The following FAF1 variants were observed in gnomAD, a reference collection of about 807,000 sequenced individuals.
FAF1 encodes FAS-associated factor 1.
In FAF1, 25 loss-of-function variants were observed where a neutral mutation model predicts 92.5. The ratio of observed to expected loss-of-function variants is 0.27; its 90% CI spans 0.20 to 0.38. The LOEUF (loss-of-function observed/expected upper bound fraction) is 0.38, where lower values mean the gene tolerates loss of function less well. Ranked by LOEUF, FAF1 falls within the 10% of genes least tolerant of loss-of-function variation. The pLI, the probability that FAF1 is intolerant of heterozygous loss-of-function variation, is 1.00. For synonymous variants in FAF1, 234 were observed against 273.2 expected, an observed-to-expected ratio of 0.86 and a Z score of 1.42; for missense variants, 636 against 793.3, an observed-to-expected ratio of 0.80 and a Z score of 2.38.
intron 1 of FAF1, among the ~76,000 whole-genome samples, chr1:50,957,349 T>C (rs1645275302): frequency 1.3e-5 from 1 of 75,052 alleles, no homozygotes; most frequent in African/African-American, 4.9e-5. Context: ...TTCATTTTCT[T>C]TTTTTTTTTT....
rs186892795 is a variant in FAF1, at chr1:50,598,965, C to G, written c.745-2749G>C. 2.4e-3 allele frequency among the ~76,000 whole-genome samples: 357 copies of G among 151,108 alleles called. 1 individual carries two copies. The highest frequency in any genetic ancestry group is 8.4e-3 in the African/African-American group (348 of 41,218). ...AACCTGGACAACAAGAGTGAAACTC[C>G]GTCTCAAAAAAAAAAGAACATACTA... is the stretch of plus-strand genomic sequence containing the variant. On this transcript the variant is annotated intron_variant, in intron 8 of 18. Coordinates refer to ENST00000396153, the MANE Select transcript of FAF1 (RefSeq NM_007051.3).
At chr1:50,662,631 A>G (rs906035697) in intron 7 of FAF1, among the ~76,000 whole-genome samples, 11 of 148,380 alleles carry the variant, frequency 7.4e-5, no homozygotes, top group African/African-American at 2.5e-4. Flanking sequence ...AAAGTTAGAT[A>G]TTATTTAAAG....
chr1:50,876,770 G>C (rs1407418523), intron 1 of FAF1, among the ~76,000 whole-genome samples: 1 of 152,116 alleles, frequency 6.6e-6, no homozygotes, highest in Non-Finnish European at 1.5e-5. Flanking sequence ...TTTTAGTAGA[G>C]ATGGGGTTTT....
chr1:50,487,788 G>A (rs532345357), intron 17 of FAF1, among the ~76,000 whole-genome samples: 7 of 152,176 alleles, frequency 4.6e-5, no homozygotes, highest in Non-Finnish European at 8.8e-5. Flanking sequence ...GTTTCTCAAT[G>A]TAATTATATG....
chr1:50,651,305 G>T (rs1654853397), intron 8 of FAF1, among the ~76,000 whole-genome samples: 1 of 151,998 alleles, frequency 6.6e-6, no homozygotes, highest in South Asian at 2.1e-4. Flanking sequence ...CTTCACTGAG[G>T]CATAATTTAT....
chr1:50,891,732 G>A lies in FAF1; in HGVS notation c.46-33735C>T, dbSNP rs1315086. ...ATTCCTCTTGAAGTTTCGTCTCAGA[G>A]AGGTACCCAGCCGTGTGAGGTGTCA... On this transcript the variant is annotated intron_variant, in intron 1 of 18. Transcript: ENST00000396153. Among the ~76,000 whole-genome samples the A allele has an allele frequency of 2.3e-3, 352 of 152,308 alleles. 1 individual carries two copies. The highest frequency in any genetic ancestry group is 8.2e-3 in the African/African-American group (343 of 41,578).
At chr1:50,663,120 A>C (rs1316463679) in intron 7 of FAF1, among the ~76,000 whole-genome samples, 1 of 151,780 alleles carries the variant, frequency 6.6e-6, no homozygotes, top group Non-Finnish European at 1.5e-5. Flanking sequence ...AAAGAAGCTA[A>C]ATTTTAGAAG....
At chr1:50,790,039 G>A (rs1003783522) in intron 3 of FAF1, among the ~76,000 whole-genome samples, 11 of 151,938 alleles carry the variant, frequency 7.2e-5, no homozygotes, top group Non-Finnish European at 1.3e-4. Context: ...AGGGCACTAG[G>A]TCTAATTCCA....
At chr1:50,665,413 T>A (rs773220017) in intron 7 of FAF1, among the ~76,000 whole-genome samples, 30 of 152,338 alleles carry the variant, frequency 2.0e-4, no homozygotes, top group Non-Finnish European at 2.9e-4. Flanking sequence ...GCCTTGTTTA[T>A]CATCACACAA....
intron 17 of FAF1, among the ~76,000 whole-genome samples, chr1:50,482,036 T>G (rs952613919): frequency 4.6e-5 from 7 of 152,218 alleles, no homozygotes; most frequent in African/African-American, 7.2e-5. Context: ...CAGCAAACTC[T>G]ATCCTTTTAA....
chr1:50,674,095 C>T (rs775470067), intron 7 of FAF1, among the ~76,000 whole-genome samples: 22 of 151,986 alleles, frequency 1.4e-4, no homozygotes, highest in Admixed American at 2.6e-4. Context: ...GGGTTACAGG[C>T]GTCCGCCACC....
chr1:50,914,897 T>C (rs2124726004), intron 1 of FAF1, among the ~76,000 whole-genome samples: 1 of 152,336 alleles, frequency 6.6e-6, no homozygotes, highest in African/African-American at 2.4e-5. Flanking sequence ...CAGCCTAGAC[T>C]AAGCATGTTT....
intron 2 of FAF1, among the ~76,000 whole-genome samples, chr1:50,836,951 CTTTTTTTT>C (rs528322924): frequency 6.5e-5 from 5 of 76,694 alleles, no homozygotes; most frequent in African/African-American, 2.6e-4. Flanking sequence ...TGTTATGTTT[CTTTTTTTT>C]TTTTTTTTTT....
At chr1:50,839,239 A>C (rs1453538595) in intron 2 of FAF1, among the ~76,000 whole-genome samples, 1 of 152,158 alleles carries the variant, frequency 6.6e-6, no homozygotes, top group Non-Finnish European at 1.5e-5. Context: ...AACAAGAAAA[A>C]AATCAAGCTA....
chr1:50,805,270 A>C (rs978228210), intron 2 of FAF1, among the ~76,000 whole-genome samples: 4 of 152,188 alleles, frequency 2.6e-5, no homozygotes, highest in African/African-American at 9.6e-5. Context: ...ATTTTGGTAT[A>C]ACTATTACTG....
At chr1:50,579,235 C>A (rs1015606024) in intron 12 of FAF1, among the ~76,000 whole-genome samples, 1 of 152,034 alleles carries the variant, frequency 6.6e-6, no homozygotes. Flanking sequence ...CTTTTGTCTA[C>A]GATATACTGT....
chr1:50,845,123 G>GA (rs1488624188), intron 2 of FAF1, among the ~76,000 whole-genome samples: 3 of 151,618 alleles, frequency 2.0e-5, no homozygotes, highest in African/African-American at 7.3e-5. Flanking sequence ...TGTGATTTAA[G>GA]AAAAAAAAGA....
intron 15 of FAF1, among the ~76,000 whole-genome samples, chr1:50,526,906 G>GT (rs1352344273): frequency 4.0e-5 from 6 of 151,632 alleles, no homozygotes; most frequent in Non-Finnish European, 7.4e-5. Flanking sequence ...CCCAGCTGGA[G>GT]TGTAGTGGCG....
chr1:50,940,998 CA>C (rs572693796), intron 1 of FAF1, among the ~76,000 whole-genome samples: 134 of 149,528 alleles, frequency 9.0e-4, no homozygotes, highest in African/African-American at 3.2e-3. Context: ...AAGAAGGGAT[CA>C]AAAAATACTT....
Sources: gnomAD v4.1 joint callset for allele counts (sites outside exome capture counted in the v4.1 genomes callset) on GRCh38, gnomAD v4.1.1 for gene constraint, MANE v1.5 for transcripts, NCBI Gene and HGNC (gene_info 2026-07-23, HGNC 2026-07-21) for gene names.